ARHGAP28: variants seen among roughly 807,000 people sequenced by gnomAD.
ARHGAP28 encodes the protein Rho GTPase activating protein 28.
In ARHGAP28, 56 loss-of-function variants were observed where a neutral mutation model predicts 90.7. That is an observed-to-expected ratio of 0.62 (90% CI 0.50 to 0.77). The LOEUF (loss-of-function observed/expected upper bound fraction) is 0.77, where lower values mean the gene tolerates loss of function less well. ARHGAP28 is among the 30% of genes least tolerant of loss of function. The pLI, the probability that ARHGAP28 is intolerant of heterozygous loss-of-function variation, is 0.00. For synonymous variants in ARHGAP28, 308 were observed against 323.3 expected (o/e 0.95, Z 0.51); for missense variants, 869 against 900.9 (o/e 0.96, Z 0.45).
chr18:6,875,047 T>G (rs2057120355), intron 9 of ARHGAP28: 2 of 152,218 alleles, frequency 1.3e-5, no homozygotes, highest in Admixed American at 1.3e-4. Flanking sequence ...AAACCAGCAT[T>G]GTCTTTGTCC....
At chr18:6,853,226 A>C (rs1303316244) in intron 4 of ARHGAP28, among the ~76,000 whole-genome samples, 3 of 152,160 alleles carry the variant, frequency 2.0e-5, no homozygotes, top group African/African-American at 7.2e-5. Flanking sequence ...CTCTTCGCCA[A>C]GGGTATTCCA....
chr18:6,730,038 GTCAC>G (rs2055863230), intron 1 of ARHGAP28, 95 bp downstream of exon 1: 1 of 1,186,816 alleles, frequency 8.4e-7, no homozygotes, highest in Non-Finnish European at 1.1e-6. Flanking sequence ...CACGACCGCC[GTCAC>G]TGGATGTTGT....
chr18:6,852,129 T>A (rs2056915553), intron 4 of ARHGAP28, among the ~76,000 whole-genome samples: 1 of 152,322 alleles, frequency 6.6e-6, no homozygotes, highest in Middle Eastern at 3.4e-3. Flanking sequence ...ATAGACAACA[T>A]ATTTATTTTT....
chr18:6,798,289 G>A (rs2143605867), intron 1 of ARHGAP28, among the ~76,000 whole-genome samples: 1 of 152,186 alleles, frequency 6.6e-6, no homozygotes, highest in Admixed American at 6.5e-5. Context: ...CGCCTCCCAG[G>A]TTCAAGCAAT....
rs34803814 is a variant in ARHGAP28 at position 6,839,402 on chromosome 18, TC to T, written c.543+1994del. ...TCCGCCTCCCGGGTTCACGCCATTC[TC>T]CCCCCTCAGCCTCCCGAGTAACTGG... On this transcript the variant is annotated intron_variant, in intron 3 of 17. Coordinates refer to ENST00000383472, the MANE Select transcript of ARHGAP28 (RefSeq NM_001366230.1). Among the ~76,000 whole-genome samples the T allele has an allele frequency of 2.2e-4, 33 of 151,358 alleles. No homozygotes were observed. In the South Asian group the frequency reaches 4.6e-3, roughly 21 times the overall value.
At chr18:6,742,846 A>G (rs4365369) in intron 1 of ARHGAP28, among the ~76,000 whole-genome samples, 2,350 of 152,296 alleles carry the variant, frequency 0.015, 31 homozygotes, top group African/African-American at 0.03. Context: ...ACGGAGACCA[A>G]CAGGATGAGA....
intron 2 of ARHGAP28, among the ~76,000 whole-genome samples, chr18:6,831,449 C>T (rs1206792936): frequency 7.0e-6 from 1 of 142,492 alleles, no homozygotes; most frequent in South Asian, 2.3e-4. Context: ...TATAGAAATA[C>T]AGTTCATTTT....
At chr18:6,781,823 A>G (rs1006915382) in intron 1 of ARHGAP28, among the ~76,000 whole-genome samples, 3 of 152,172 alleles carry the variant, frequency 2.0e-5, no homozygotes, top group African/African-American at 7.2e-5. Context: ...TTGTTTTGCC[A>G]GTTGATATCT....
At chr18:6,768,660 G>A (rs573143655) in intron 1 of ARHGAP28, among the ~76,000 whole-genome samples, 39 of 152,258 alleles carry the variant, frequency 2.6e-4, no homozygotes, top group African/African-American at 8.7e-4. Flanking sequence ...AATGCAAGGA[G>A]ACCCCCATAT....
Position 6,859,839 on chromosome 18 carries a change from T to A in ARHGAP28, c.668T>A (p.Leu223Gln). The change falls in exon 5 of 18, where the codon CTG becomes CAG. Residue 223 changes from leucine (L) to glutamine (Q), a missense_variant. By Grantham distance (113) the Leu-to-Gln change is moderately radical (BLOSUM62 -2). Transcript: ENST00000383472. ...GATGCTTCTCTCAACAGTACTACCCTGTCTGACGCATCCCAGGATAAAGAA... is the reference window on the plus strand; with the variant it reads ...GATGCTTCTCTCAACAGTACTACCCAGTCTGACGCATCCCAGGATAAAGAA... ...PDDASLNSTT[L>Q]SDASQDKEGS... 6.2e-7 allele frequency: 1 copy of A among 1,614,242 alleles called. No homozygotes were observed. The highest frequency in any genetic ancestry group is 8.5e-7 in the Non-Finnish European group (1 of 1,180,030).
intron 1 of ARHGAP28, among the ~76,000 whole-genome samples, chr18:6,794,509 A>G (rs1362335289): frequency 6.6e-6 from 1 of 152,202 alleles, no homozygotes; most frequent in Non-Finnish European, 1.5e-5. Flanking sequence ...TATCCCTCAC[A>G]GGACACTGCC....
intron 1 of ARHGAP28, among the ~76,000 whole-genome samples, chr18:6,798,677 C>T (rs571703825): frequency 1.3e-4 from 20 of 152,118 alleles, no homozygotes; most frequent in East Asian, 3.9e-4. Context: ...TAATGGACTT[C>T]GGGGACTCAG....
rs369914308 is a variant in ARHGAP28, at chr18:6,870,573, C to A, written c.812-17C>A. 1.3e-6 allele frequency: 2 copies of A among 1,596,036 alleles called. No homozygotes were observed. Among genetic ancestry groups the A allele is most frequent in the African/African-American group, 2.7e-5 (2 of 73,996 alleles). On this transcript the variant is annotated splice_polypyrimidine_tract_variant and intron_variant, in intron 6 of 17. Coordinates refer to ENST00000383472, the MANE Select transcript of ARHGAP28 (RefSeq NM_001366230.1). ...AATAGCATATTAAATAGTCTGTATT[C>A]TTTGTTTTGTCTTTAGATGATGATT...
chr18:6,849,961 T>C (rs1458214513), intron 3 of ARHGAP28, among the ~76,000 whole-genome samples: 1 of 152,186 alleles, frequency 6.6e-6, no homozygotes, highest in African/African-American at 2.4e-5. Flanking sequence ...CTTTCACTGC[T>C]TGGATTAAAC....
chr18:6,799,549 A>AGTCT, intron 1 of ARHGAP28, among the ~76,000 whole-genome samples: 1 of 152,348 alleles, frequency 6.6e-6, no homozygotes, highest in East Asian at 1.9e-4. Context: ...GACCAAAGGA[A>AGTCT]CAGAACAGAG....
intron 1 of ARHGAP28, among the ~76,000 whole-genome samples, chr18:6,810,738 G>A (rs1240125264): frequency 6.6e-6 from 1 of 152,082 alleles, no homozygotes; most frequent in South Asian, 2.1e-4. Context: ...AGTATGAAGA[G>A]CTGTGTGCTA....
intron 2 of ARHGAP28, chr18:6,836,148 A>G (rs547361622): frequency 3.3e-5 from 5 of 152,338 alleles, no homozygotes; most frequent in African/African-American, 1.2e-4. Flanking sequence ...CTGACTGGAA[A>G]TAAGCTAGGT....
intron 1 of ARHGAP28, among the ~76,000 whole-genome samples, chr18:6,774,894 C>T (rs1011520615): frequency 1.1e-4 from 16 of 152,176 alleles, no homozygotes; most frequent in Admixed American, 1.0e-3. Context: ...CTGTCCATTT[C>T]TTCTGATCTT....
intron 16 of ARHGAP28, chr18:6,898,510 C>G (rs772183520): frequency 1.2e-6 from 2 of 1,614,114 alleles, no homozygotes; most frequent in Non-Finnish European, 1.7e-6. Context: ...GAAGAGTCGA[C>G]AGAGACCAAC....
Sources: allele counts gnomAD v4.1 joint callset (sites outside exome capture counted in the v4.1 genomes callset), GRCh38; gene constraint gnomAD v4.1.1; transcripts MANE v1.5; gene names NCBI Gene and HGNC (gene_info 2026-07-23, HGNC 2026-07-21).